The following SGCZ variants were observed in gnomAD, a reference collection of about 807,000 sequenced individuals.
The protein encoded by SGCZ is sarcoglycan zeta.
Under a neutral mutation model 41.3 loss-of-function variants are expected in SGCZ, and 40 were observed. The ratio of observed to expected loss-of-function variants is 0.97; its 90% CI spans 0.75 to 1.26. The LOEUF is 1.26. Ranked by LOEUF, SGCZ falls within the 50% of genes most tolerant of loss-of-function variation. The probability of loss-of-function intolerance (pLI) is 0.00; values close to 1 mark genes in which losing one functional copy is unlikely to be tolerated. For synonymous variants in SGCZ, 206 were observed against 137.5 expected, an observed-to-expected ratio of 1.50 and a Z score of -3.49; for missense variants, 552 against 369.8, an observed-to-expected ratio of 1.49 and a Z score of -4.04.
At chr8:15,081,126 C>T (rs1311477940) in intron 1 of SGCZ, among the ~76,000 whole-genome samples, 2 of 152,158 alleles carry the variant, frequency 1.3e-5, no homozygotes, top group African/African-American at 4.8e-5. Flanking sequence ...GCAACCCTAG[C>T]AAACTCATAT....
chr8:14,936,527 C>T (rs1217621276), intron 1 of SGCZ, among the ~76,000 whole-genome samples: 4 of 151,852 alleles, frequency 2.6e-5, no homozygotes, highest in Non-Finnish European at 5.9e-5. Context: ...AACAGTGTCA[C>T]TTTTGCACCA....
At chr8:14,669,110 G>C (rs918806991) in intron 1 of SGCZ, among the ~76,000 whole-genome samples, 7 of 151,964 alleles carry the variant, frequency 4.6e-5, no homozygotes, top group African/African-American at 1.4e-4. Context: ...TTAGGCAGGT[G>C]AATCACTTGA....
At chr8:14,322,660 A>T (rs1801965419) in intron 3 of SGCZ, among the ~76,000 whole-genome samples, 1 of 152,140 alleles carries the variant, frequency 6.6e-6, no homozygotes, top group Non-Finnish European at 1.5e-5. Context: ...TTAGAGATAA[A>T]TCATTTCTGC....
intron 1 of SGCZ, among the ~76,000 whole-genome samples, chr8:14,895,188 G>A (rs1414846217): frequency 6.6e-6 from 1 of 152,130 alleles, no homozygotes; most frequent in East Asian, 1.9e-4. Flanking sequence ...ATTAATAACA[G>A]TTGTTGCCAA....
chr8:14,866,366 T>G (rs2090038029), intron 1 of SGCZ, among the ~76,000 whole-genome samples: 1 of 152,142 alleles, frequency 6.6e-6, no homozygotes, highest in Admixed American at 6.6e-5. Context: ...TCTGAGTATT[T>G]CATTATCAAC....
intron 5 of SGCZ, among the ~76,000 whole-genome samples, chr8:14,164,276 G>T (rs1804137862): frequency 6.6e-6 from 1 of 151,804 alleles, no homozygotes; most frequent in Non-Finnish European, 1.5e-5. Flanking sequence ...ATTATTATTT[G>T]TTAGTCCCCT....
At chr8:14,634,949 A>C (rs181769478) in intron 1 of SGCZ, among the ~76,000 whole-genome samples, 1 of 151,976 alleles carries the variant, frequency 6.6e-6, no homozygotes, top group African/African-American at 2.4e-5. Context: ...GTTTATTGGT[A>C]TAATTGATGC....
chr8:14,742,927 C>T (rs1041821512), intron 1 of SGCZ, among the ~76,000 whole-genome samples: 3 of 152,012 alleles, frequency 2.0e-5, no homozygotes, highest in Non-Finnish European at 2.9e-5. Context: ...GACCTAAAAC[C>T]TTGAGACTCA....
intron 1 of SGCZ, among the ~76,000 whole-genome samples, chr8:14,656,197 GCAGAGATAAAGTGTCTTTATC>G (rs56090801): frequency 0.27 from 40,337 of 151,746 alleles, 5,522 homozygotes; most frequent in South Asian, 0.38. Flanking sequence ...AACCAGCAAA[GCAGAGATAAAGTGTCTTTATC>G]CAGAGATAAA....
chr8:14,635,344 A>T (rs1488073186), intron 1 of SGCZ, among the ~76,000 whole-genome samples: 1 of 151,886 alleles, frequency 6.6e-6, no homozygotes, highest in Non-Finnish European at 1.5e-5. Context: ...AATATATCCA[A>T]CTATATTCTC....
At chr8:14,592,791 A>G (rs184426509) in intron 1 of SGCZ, among the ~76,000 whole-genome samples, 4 of 152,290 alleles carry the variant, frequency 2.6e-5, no homozygotes, top group African/African-American at 9.6e-5. Context: ...AGATTGCAAA[A>G]CTACTGAAGG....
intron 1 of SGCZ, among the ~76,000 whole-genome samples, chr8:14,746,396 T>C (rs2130300206): frequency 6.6e-6 from 1 of 152,238 alleles, no homozygotes; most frequent in African/African-American, 2.4e-5. Flanking sequence ...AATAGACAAG[T>C]CCACTATTGC....
chr8:14,933,271 G>C (rs1799972418), intron 1 of SGCZ, among the ~76,000 whole-genome samples: 1 of 151,924 alleles, frequency 6.6e-6, no homozygotes, highest in African/African-American at 2.4e-5. Context: ...CCAAAACCTA[G>C]TAACTTACAG....
At chr8:15,018,772 T>C (rs1444126464) in intron 1 of SGCZ, among the ~76,000 whole-genome samples, 1 of 152,188 alleles carries the variant, frequency 6.6e-6, no homozygotes, top group Non-Finnish European at 1.5e-5. Context: ...TATAAAGAAA[T>C]ACCTGAAATG....
At chr8:14,876,543 A>G (rs955614932) in intron 1 of SGCZ, among the ~76,000 whole-genome samples, 2 of 152,168 alleles carry the variant, frequency 1.3e-5, no homozygotes, top group Non-Finnish European at 2.9e-5. Flanking sequence ...TATACTAAAA[A>G]CAACTGAACC....
chr8:14,156,971 T>C (rs1803894117), intron 5 of SGCZ, among the ~76,000 whole-genome samples: 1 of 152,142 alleles, frequency 6.6e-6, no homozygotes, highest in Admixed American at 6.5e-5. Context: ...AAAATAATGA[T>C]AAAAAACTAC....
rs572082799 is a variant in SGCZ at position 14,503,026 on chromosome 8, C to A, written c.234+51706G>T. 3.1e-3 allele frequency among the ~76,000 whole-genome samples: 479 copies of A among 152,224 alleles called. 4 individuals carry two copies. The highest frequency in any genetic ancestry group is 0.01 in the African/African-American group (425 of 41,524). ...TTTATTGCAGCACTATTCACAATAG[C>A]AAAGACTTGCAACTCACCCAAATGC... On this transcript the variant is annotated intron_variant, in intron 2 of 7. Coordinates refer to ENST00000382080, the MANE Select transcript of SGCZ (RefSeq NM_139167.4).
At chr8:14,523,485 T>G (rs1199365758) in intron 2 of SGCZ, among the ~76,000 whole-genome samples, 1 of 152,086 alleles carries the variant, frequency 6.6e-6, no homozygotes, top group Non-Finnish European at 1.5e-5. Flanking sequence ...GTAAAAATAC[T>G]ATACCACTTT....
intron 1 of SGCZ, among the ~76,000 whole-genome samples, chr8:15,214,136 A>G (rs1426407623): frequency 6.6e-6 from 1 of 152,068 alleles, no homozygotes; most frequent in African/African-American, 2.4e-5. Flanking sequence ...AAAAAACATC[A>G]ATTTTTATAT....
Sources: gnomAD v4.1 joint callset for allele counts (sites outside exome capture counted in the v4.1 genomes callset) on GRCh38, gnomAD v4.1.1 for gene constraint, MANE v1.5 for transcripts, NCBI Gene and HGNC (gene_info 2026-07-23, HGNC 2026-07-21) for gene names.